Variants in OXR1 observed in about 807,000 individuals in gnomAD.
OXR1 encodes the protein oxidation resistance protein 1.
A neutral mutation model predicts 104.6 loss-of-function variants in OXR1; 41 were observed. The ratio of observed to expected loss-of-function variants is 0.39; its 90% CI spans 0.31 to 0.51. The LOEUF is 0.51. Ranked by LOEUF, OXR1 falls within the 20% of genes least tolerant of loss-of-function variation. The pLI is 0.77. For missense variants in OXR1, 955 were observed against 1,031.9 expected (o/e 0.93, Z 1.02); for synonymous variants, 348 against 348.4 (o/e 1.00, Z 0.01).
intron 2 of OXR1, among the ~76,000 whole-genome samples, chr8:106,450,807 T>A (rs1014641282): frequency 9.2e-5 from 14 of 152,088 alleles, no homozygotes; most frequent in Middle Eastern, 3.2e-3. Flanking sequence ...AAGCAAAGCT[T>A]TGGCACCGAT....
At chr8:106,515,702 T>A (rs1812813806) in intron 2 of OXR1, among the ~76,000 whole-genome samples, 1 of 152,156 alleles carries the variant, frequency 6.6e-6, no homozygotes, top group Non-Finnish European at 1.5e-5. Flanking sequence ...CCTTCTTAGG[T>A]GCGTATAGTA....
At chr8:106,554,007 A>T (rs552525694) in intron 3 of OXR1, among the ~76,000 whole-genome samples, 4 of 152,102 alleles carry the variant, frequency 2.6e-5, no homozygotes, top group South Asian at 2.1e-4. Context: ...TTATCCTGGA[A>T]TTTTTTTTCT....
intron 2 of OXR1, among the ~76,000 whole-genome samples, chr8:106,369,977 A>G (rs1422270977): frequency 6.6e-6 from 1 of 152,178 alleles, no homozygotes; most frequent in Non-Finnish European, 1.5e-5. Context: ...GAATCTCTAA[A>G]TTACTTCGGG....
chr8:106,587,975 A>G (rs1289107837), intron 3 of OXR1, among the ~76,000 whole-genome samples: 5 of 151,080 alleles, frequency 3.3e-5, no homozygotes, highest in Non-Finnish European at 5.9e-5. Flanking sequence ...TTTTTGAGAC[A>G]GAGTCTCGCT....
At chr8:106,325,881 A>G (rs1814449361) in intron 1 of OXR1, among the ~76,000 whole-genome samples, 1 of 152,226 alleles carries the variant, frequency 6.6e-6, no homozygotes, top group African/African-American at 2.4e-5. Flanking sequence ...TCCTCATTCA[A>G]GGTGAAAGCA....
At chr8:106,698,028 G>C (rs1232580388) in intron 7 of OXR1, 118 of 1,593,656 alleles carry the variant, frequency 7.4e-5, no homozygotes, top group Non-Finnish European at 8.5e-5. Context: ...ATGGGTGGCG[G>C]TGGCTGCGGG....
chr8:106,352,610 A>C (rs1267733273), intron 1 of OXR1, among the ~76,000 whole-genome samples: 1 of 152,210 alleles, frequency 6.6e-6, no homozygotes, highest in African/African-American at 2.4e-5. Context: ...ATTAAGGTAA[A>C]TCCATTCAAT....
chr8:106,569,271 T>C (rs1817298388), intron 3 of OXR1, among the ~76,000 whole-genome samples: 1 of 152,090 alleles, frequency 6.6e-6, no homozygotes, highest in South Asian at 2.1e-4. Flanking sequence ...TTCTCAATGA[T>C]TTTGTTTGGA....
intron 11 of OXR1, chr8:106,720,800 T>A: frequency 2.0e-6 from 1 of 493,504 alleles, no homozygotes; most frequent in Non-Finnish European, 2.6e-6. Flanking sequence ...AAATACCCTT[T>A]AAAATTTAAT....
chr8:106,695,542 T>G (rs542234676), intron 7 of OXR1, among the ~76,000 whole-genome samples: 56 of 151,896 alleles, frequency 3.7e-4, no homozygotes, highest in African/African-American at 1.3e-3. Context: ...CTCAGCCTCC[T>G]GAGTAGCTGG....
intron 3 of OXR1, among the ~76,000 whole-genome samples, chr8:106,628,231 G>T (rs1822341081): frequency 6.6e-6 from 1 of 152,084 alleles, no homozygotes; most frequent in Non-Finnish European, 1.5e-5. Flanking sequence ...CTGTCCATTG[G>T]ATTGTTGCAA....
intron 14 of OXR1, 64 bp from the exon 15 acceptor site, chr8:106,742,158 G>A (rs371869517): frequency 3.3e-6 from 3 of 911,924 alleles, no homozygotes; most frequent in Non-Finnish European, 5.4e-6. Context: ...CATATATGAT[G>A]AAATAATGCT....
At chr8:106,559,052 C>T (rs943174300) in intron 3 of OXR1, among the ~76,000 whole-genome samples, 3 of 152,026 alleles carry the variant, frequency 2.0e-5, no homozygotes, top group Non-Finnish European at 2.9e-5. Flanking sequence ...TTGCATTTTT[C>T]TATAATCAGT....
intron 2 of OXR1, among the ~76,000 whole-genome samples, chr8:106,425,083 GTTTTTTTT>G (rs748444311): frequency 1.2e-5 from 1 of 83,660 alleles, no homozygotes; most frequent in African/African-American, 5.3e-5. Context: ...GTTTGGTTTG[GTTTTTTTT>G]TTTTTTTTTT....
intron 6 of OXR1, among the ~76,000 whole-genome samples, chr8:106,691,657 T>A (rs1029051948): frequency 6.7e-6 from 1 of 149,462 alleles, no homozygotes; most frequent in Admixed American, 6.7e-5. Context: ...CACATATATT[T>A]ATATTTGTGT....
intron 3 of OXR1, among the ~76,000 whole-genome samples, chr8:106,562,877 A>T (rs970581739): frequency 6.6e-6 from 1 of 152,226 alleles, no homozygotes; most frequent in Non-Finnish European, 1.5e-5. Flanking sequence ...ACTAAGCTTC[A>T]TAAGTGAAGG....
intron 2 of OXR1, among the ~76,000 whole-genome samples, chr8:106,424,626 C>G (rs1819035764): frequency 6.6e-6 from 1 of 151,974 alleles, no homozygotes; most frequent in Non-Finnish European, 1.5e-5. Context: ...AAATTATTTC[C>G]TCAGTGTGAA....
rs544500814 is a variant in OXR1, at chr8:106,640,326, A to G, written c.221-38884A>G. Among the ~76,000 whole-genome samples the G allele has an allele frequency of 7.3e-5, 11 of 151,372 alleles. No individual in the cohort carries two copies. The South Asian group carries it at 2.1e-3, about 29-fold the overall frequency. ...CGTATTTGTGTATATATACTAATAC[A>G]TATATTTGCATATTTGTATATAGAT... On this transcript the variant is annotated intron_variant, in intron 3 of 16. Coordinates refer to ENST00000517566, the MANE Select transcript of OXR1 (RefSeq NM_001198533.2).
intron 2 of OXR1, among the ~76,000 whole-genome samples, chr8:106,458,566 G>A (rs1488948408): frequency 6.6e-6 from 1 of 152,146 alleles, no homozygotes; most frequent in African/African-American, 2.4e-5. Context: ...GTGGAGCCAT[G>A]AGAGTGGGGC....
Sources: gnomAD v4.1 joint callset for allele counts (sites outside exome capture counted in the v4.1 genomes callset) on GRCh38, gnomAD v4.1.1 for gene constraint, MANE v1.5 for transcripts, NCBI Gene and HGNC (gene_info 2026-07-23, HGNC 2026-07-21) for gene names.